The following LAMP2 variants were observed in gnomAD, a reference collection of about 807,000 sequenced individuals.
LAMP2 encodes the protein lysosome-associated membrane glycoprotein 2.
Under a neutral mutation model 25.6 loss-of-function variants are expected in LAMP2, and 4 were observed. That is an observed-to-expected ratio of 0.16 (90% CI 0.08 to 0.36). The LOEUF (loss-of-function observed/expected upper bound fraction) is 0.36, where lower values mean the gene tolerates loss of function less well. Ranked by LOEUF, LAMP2 falls within the 10% of genes least tolerant of loss-of-function variation. The probability of loss-of-function intolerance (pLI) is 1.00; values close to 1 mark genes in which losing one functional copy is unlikely to be tolerated. For missense variants in LAMP2, 272 were observed against 301.4 expected (o/e 0.90, Z 0.72); for synonymous variants, 108 against 112.7 (o/e 0.96, Z 0.27).
rs1213705229 is a variant in LAMP2, at chrX:120,431,142, T to G, written c.*181A>C. The G allele has an allele frequency of 1.8e-6, 2 of 1,092,469 alleles. No individual in the cohort carries two copies. The highest frequency in any genetic ancestry group is 3.7e-5 in the African/African-American group (2 of 53,764). 90.0% of individuals were successfully genotyped at this position (1,092,469 alleles called of 1,213,427 possible). A position where few individuals can be genotyped will look rare whatever the true frequency, so the allele number is the denominator to read the frequency against. On this transcript the variant is annotated 3_prime_UTR_variant, in exon 9 of 9. Coordinates refer to ENST00000200639, the MANE Select transcript of LAMP2 (RefSeq NM_002294.3). Reference sequence around the variant, plus strand: ...GGACCAGTAAATATGACACTTTGGATTTTAAGCTGATTAAAGAGAACAGGT... The same window carrying G: ...GGACCAGTAAATATGACACTTTGGAGTTTAAGCTGATTAAAGAGAACAGGT...
intron 7 of LAMP2, 112 bp downstream of exon 7, chrX:120,442,487 A>G (rs2058577835): frequency 1.6e-6 from 1 of 641,733 alleles, no homozygotes; most frequent in African/African-American, 2.2e-5. Context: ...CACTTTTTAC[A>G]TAGCATCTTC....
intron 1 of LAMP2, among the ~76,000 whole-genome samples, chrX:120,460,461 C>T (rs1236366391): frequency 8.9e-6 from 1 of 111,764 alleles, no homozygotes; most frequent in African/African-American, 3.3e-5. Context: ...TTACTATTCC[C>T]TTCCCAAGGG....
chrX:120,444,936 T>C (rs1448532794), intron 6 of LAMP2, among the ~76,000 whole-genome samples: 11 of 112,173 alleles, frequency 9.8e-5, no homozygotes, highest in African/African-American at 3.2e-4. Flanking sequence ...TCAGAGTGCC[T>C]GTAGCATGAT....
Position 120,429,379 on chromosome X carries a change from G to A in LAMP2, c.*1944C>T. 8 of 576,072 alleles carry A rather than the reference G, an allele frequency of 1.4e-5. No individual in the cohort carries two copies. Among genetic ancestry groups the A allele is most frequent in the Non-Finnish European group, 1.5e-5 (7 of 479,255 alleles). The allele number at this position is 576,072 out of a possible 1,213,427, so 47.5% of individuals were successfully genotyped here. On this transcript the variant is annotated 3_prime_UTR_variant, in exon 9 of 9. Coordinates refer to ENST00000200639, the MANE Select transcript of LAMP2 (RefSeq NM_002294.3). Reference sequence around the variant, plus strand: ...GGACCTTGGGCAAGTTATTTAAACTGGGCCTCACTTTCCTCATCTGTAAGA... The same window carrying A: ...GGACCTTGGGCAAGTTATTTAAACTAGGCCTCACTTTCCTCATCTGTAAGA...
chrX:120,430,843 T>C lies in LAMP2; in HGVS notation c.*480A>G, dbSNP rs2058520035. On this transcript the variant is annotated 3_prime_UTR_variant, in exon 9 of 9. Transcript: ENST00000200639. Reference sequence around the variant, plus strand: ...CAAGTTTAAGCATATCTGATGGGCATTTATACCACATCAATATTTATTTAA... The same window carrying C: ...CAAGTTTAAGCATATCTGATGGGCACTTATACCACATCAATATTTATTTAA... The C allele has an allele frequency of 2.6e-6, 2 of 761,165 alleles. No individual in the cohort carries two copies. Among genetic ancestry groups the C allele is most frequent in the African/African-American group, 2.3e-5 (1 of 43,953 alleles). 62.7% of individuals were successfully genotyped at this position (761,165 alleles called of 1,213,427 possible).
intron 8 of LAMP2, among the ~76,000 whole-genome samples, chrX:120,441,125 T>G (rs1168728975): frequency 1.8e-5 from 2 of 112,124 alleles, no homozygotes; most frequent in African/African-American, 6.5e-5. Context: ...AATTTTAATC[T>G]TGTAATGCCA....
chrX:120,438,978 C>A, intron 8 of LAMP2: 1 of 1,038,739 alleles, frequency 9.6e-7, no homozygotes, highest in Non-Finnish European at 1.2e-6. Context: ...TTGGAAAAAC[C>A]AAAGTCAGGC....
intron 1 of LAMP2, among the ~76,000 whole-genome samples, chrX:120,459,871 T>C (rs1921245407): frequency 8.9e-6 from 1 of 112,276 alleles, no homozygotes; most frequent in Admixed American, 9.4e-5. Context: ...TATCCTACTG[T>C]TGACTGGAAG....
chrX:120,465,299 A>G (rs1247574286), intron 1 of LAMP2, among the ~76,000 whole-genome samples: 1 of 102,579 alleles, frequency 9.7e-6, no homozygotes, highest in East Asian at 3.1e-4. Context: ...ACCTAAAAAA[A>G]AAAAATTCTG....
chrX:120,437,606 C>T (rs754158744), intron 8 of LAMP2: 45 of 747,040 alleles, frequency 6.0e-5, no homozygotes, highest in South Asian at 1.4e-4. Flanking sequence ...AGGTGGTACA[C>T]GGTAATTTGA....
In LAMP2 at chrX:120,446,409, T is replaced by C; in HGVS notation, c.760A>G (p.Ile254Val). 1 of 1,209,797 alleles carries C rather than the reference T, an allele frequency of 8.3e-7. No individual in the cohort carries two copies. Among genetic ancestry groups the C allele is most frequent in the Middle Eastern group, 2.3e-4 (1 of 4,353 alleles). The change falls in exon 6 of 9, where the codon ATC becomes GTC. Residue 254 changes from isoleucine (I) to valine (V), a missense_variant. By Grantham distance (29) the Ile-to-Val change is conservative (BLOSUM62 3). Coordinates refer to ENST00000200639, the MANE Select transcript of LAMP2 (RefSeq NM_002294.3). The stretch of plus-strand genomic sequence containing the variant: ...GTGGAGTGAGTTGTATTGGGGTTGA[T>C]GTTAATAACTGAAGCAACCTTCAGG... ...TQDKVASVIN[I>V]NPNTTHSTGS...
At chrX:120,442,358 A>G (rs1188550549) in intron 7 of LAMP2, among the ~76,000 whole-genome samples, 1 of 110,928 alleles carries the variant, frequency 9.0e-6, no homozygotes, top group African/African-American at 3.3e-5. Context: ...AGATGTTTCT[A>G]TAGTCTAAAA....
intron 8 of LAMP2, among the ~76,000 whole-genome samples, chrX:120,439,778 C>G (rs1028109222): frequency 1.8e-5 from 2 of 110,027 alleles, no homozygotes; most frequent in Non-Finnish European, 3.8e-5. Flanking sequence ...ATTACTTTAT[C>G]AGAAATAAAG....
intron 1 of LAMP2, among the ~76,000 whole-genome samples, chrX:120,466,612 A>G (rs1227330607): frequency 2.7e-5 from 3 of 111,689 alleles, no homozygotes; most frequent in Non-Finnish European, 3.8e-5. Context: ...GGGATTCCCA[A>G]AGTTTTGGTG....
At chrX:120,432,631 T>A (rs1263726609) in intron 8 of LAMP2, among the ~76,000 whole-genome samples, 2 of 111,599 alleles carry the variant, frequency 1.8e-5, no homozygotes, top group Admixed American at 9.5e-5. Context: ...GAGGAGGAGA[T>A]AATAGAATGG....
rs901821982 is a variant in LAMP2, at chrX:120,430,398, A to G, written c.*925T>C. ...TGAGATTGCTGTTAGCTTACATTTC[A>G]TAAGTACCACACTGATGACAACACT... On this transcript the variant is annotated 3_prime_UTR_variant, in exon 9 of 9. Transcript: ENST00000200639. 1.3e-5 allele frequency: 10 copies of G among 752,449 alleles called. No homozygotes were observed. The highest frequency in any genetic ancestry group is 1.2e-4 in the African/African-American group (5 of 43,435). The allele number at this position is 752,449 out of a possible 1,213,427, so 62.0% of individuals were successfully genotyped here. A position where few individuals can be genotyped will look rare whatever the true frequency, so the allele number is the denominator to read the frequency against.
At chrX:120,438,472 A>G in intron 8 of LAMP2, 1 of 731,567 alleles carries the variant, frequency 1.4e-6, no homozygotes, top group Non-Finnish European at 1.6e-6. Flanking sequence ...TTTAAAAAAA[A>G]GATTAAACAA....
chrX:120,437,127 G>C (rs1244472363), intron 8 of LAMP2: 1 of 745,006 alleles, frequency 1.3e-6, no homozygotes, highest in Non-Finnish European at 1.6e-6. Context: ...TGGTAATGCA[G>C]CTCGCTGTAG....
chrX:120,440,023 T>C (rs1211048387), intron 8 of LAMP2, among the ~76,000 whole-genome samples: 1 of 111,736 alleles, frequency 8.9e-6, no homozygotes, highest in Non-Finnish European at 1.9e-5. Flanking sequence ...TTGTGACACA[T>C]GAGAGCATAT....
Sources: gnomAD v4.1 joint callset for allele counts (sites outside exome capture counted in the v4.1 genomes callset) on GRCh38, gnomAD v4.1.1 for gene constraint, MANE v1.5 for transcripts, NCBI Gene and HGNC (gene_info 2026-07-23, HGNC 2026-07-21) for gene names.